PTPN21: variants seen among roughly 807,000 people sequenced by gnomAD.
The protein encoded by PTPN21 is protein tyrosine phosphatase non-receptor type 21.
A neutral mutation model predicts 131.8 loss-of-function variants in PTPN21; 77 were observed. The ratio of observed to expected loss-of-function variants is 0.58; its 90% CI spans 0.49 to 0.71. The LOEUF (loss-of-function observed/expected upper bound fraction) is 0.71, where lower values mean the gene tolerates loss of function less well. Ranked by LOEUF, PTPN21 falls within the 30% of genes least tolerant of loss-of-function variation. The probability of loss-of-function intolerance (pLI) is 0.00; values close to 1 mark genes in which losing one functional copy is unlikely to be tolerated. For missense variants in PTPN21, 1,552 were observed against 1,527.1 expected, an observed-to-expected ratio of 1.02 and a Z score of -0.27; for synonymous variants, 715 against 621.3, an observed-to-expected ratio of 1.15 and a Z score of -2.24.
chr14:88,524,184 G>A (rs558898206), intron 2 of PTPN21, among the ~76,000 whole-genome samples: 60 of 152,164 alleles, frequency 3.9e-4, no homozygotes, highest in Admixed American at 3.3e-3. Flanking sequence ...TACTGAAAAA[G>A]AATAACAAAA....
rs2077411109 is a variant in PTPN21 at position 88,469,009 on chromosome 14, G to A, written c.3303C>T (p.Asn1101=). 4 of 1,614,198 alleles carry A rather than the reference G, an allele frequency of 2.5e-6. No individual in the cohort carries two copies. The highest frequency in any genetic ancestry group is 3.4e-6 in the Non-Finnish European group (4 of 1,180,040). The change falls in exon 18 of 19, where the codon AAC becomes AAT. Residue 1101 remains asparagine (N), a synonymous_variant. Transcript: ENST00000556564. This position sits in a 1 kb window ranked among gnomAD's most constrained non-coding sequence, Gnocchi z 4.3. The part of the protein sequence containing the change: ...TNSTSDPQSP[N]PPLLVHCSAG... Reference sequence around the variant, plus strand: ...CACTGCAGTGGACCAACAACGGAGGGTTGGGGCTTTGGGGATCACTTGTGC... The same window carrying A: ...CACTGCAGTGGACCAACAACGGAGGATTGGGGCTTTGGGGATCACTTGTGC...
chr14:88,496,717 A>G (rs559090312), intron 9 of PTPN21, among the ~76,000 whole-genome samples: 2 of 152,372 alleles, frequency 1.3e-5, no homozygotes, highest in African/African-American at 4.8e-5. Flanking sequence ...TGATTCTCAT[A>G]TTAAACAGTT....
chr14:88,478,807 G>A (rs2077584303), intron 13 of PTPN21, 113 bp downstream of exon 13: 1 of 605,272 alleles, frequency 1.7e-6, no homozygotes. Flanking sequence ...GTGGGGGAAT[G>A]AAGAACGTTA....
At chr14:88,493,982 C>T (rs962513307) in intron 10 of PTPN21, among the ~76,000 whole-genome samples, 5 of 152,150 alleles carry the variant, frequency 3.3e-5, no homozygotes, top group African/African-American at 9.7e-5. Context: ...GAGTGTCTGT[C>T]CTCAAGCACT....
chr14:88,502,925 A>T (rs1010005086), intron 6 of PTPN21, among the ~76,000 whole-genome samples: 3 of 152,128 alleles, frequency 2.0e-5, no homozygotes, highest in Non-Finnish European at 4.4e-5. Context: ...CACTGTGTGG[A>T]TTTGAGTGGA....
intron 2 of PTPN21, among the ~76,000 whole-genome samples, chr14:88,534,935 G>T (rs191286247): frequency 4.5e-4 from 68 of 152,176 alleles, no homozygotes; most frequent in African/African-American, 1.5e-3. Flanking sequence ...GTTTCTAGAG[G>T]CTACAATAGT....
chr14:88,500,731 G>GT, intron 8 of PTPN21, 52 bp downstream of exon 8: 2 of 1,249,530 alleles, frequency 1.6e-6, no homozygotes, highest in Non-Finnish European at 2.4e-6. Context: ...ACTAAAAAAT[G>GT]TATCACCAAC....
chr14:88,535,525 C>T (rs1212181398), intron 2 of PTPN21, among the ~76,000 whole-genome samples: 1 of 152,148 alleles, frequency 6.6e-6, no homozygotes. Flanking sequence ...TTAACATGTA[C>T]TCTTCCTTCC....
chr14:88,493,347 T>C (rs2077853241), intron 10 of PTPN21, among the ~76,000 whole-genome samples: 6 of 152,196 alleles, frequency 3.9e-5, no homozygotes. Flanking sequence ...TATTTTAAAC[T>C]CAATCTTGAA....
chr14:88,510,214 G>A (rs1183730264), intron 3 of PTPN21, among the ~76,000 whole-genome samples: 1 of 152,070 alleles, frequency 6.6e-6, no homozygotes, highest in Non-Finnish European at 1.5e-5. Context: ...CAAAGTTTCT[G>A]TTTAAATGCT....
rs2077413322 is a variant in PTPN21, at chr14:88,469,118, G to A, written c.3236-42C>T. On this transcript the variant is annotated intron_variant, in intron 17 of 18. Transcript: ENST00000556564. The surrounding 1 kb of genome is among the most constrained non-coding windows in gnomAD (Gnocchi z 4.3). ...AAATAGAAAAGTACTCAAGGATCAA[G>A]GCGTATCACATTGTTGACTCAATCT... 2 of 1,571,480 alleles carry A rather than the reference G, an allele frequency of 1.3e-6. No homozygotes were observed. The highest frequency in any genetic ancestry group is 2.7e-5 in the African/African-American group (2 of 73,942).
intron 12 of PTPN21, among the ~76,000 whole-genome samples, chr14:88,481,426 C>T (rs2077651313): frequency 6.6e-6 from 1 of 152,178 alleles, no homozygotes; most frequent in African/African-American, 2.4e-5. Flanking sequence ...GCTGCCACAG[C>T]TCGGGCCCCT....
intron 2 of PTPN21, among the ~76,000 whole-genome samples, chr14:88,531,560 AAAAC>A (rs1032843941): frequency 2.2e-4 from 34 of 152,308 alleles, no homozygotes; most frequent in African/African-American, 5.5e-4. Flanking sequence ...CCATCTCAAA[AAAAC>A]AAACAAACAA....
intron 2 of PTPN21, 73 bp from the exon 3 acceptor site, chr14:88,517,334 C>G: frequency 6.7e-7 from 1 of 1,498,790 alleles, no homozygotes; most frequent in Non-Finnish European, 9.2e-7. Flanking sequence ...TCGCACTAAT[C>G]CCTGACCTGT....
chr14:88,499,634 A>C (rs1382271503), intron 8 of PTPN21, among the ~76,000 whole-genome samples: 1 of 152,192 alleles, frequency 6.6e-6, no homozygotes, highest in Admixed American at 6.5e-5. Flanking sequence ...CAGTGTTATG[A>C]AGATTACACT....
intron 10 of PTPN21, among the ~76,000 whole-genome samples, chr14:88,489,636 C>G (rs1232404597): frequency 3.3e-5 from 5 of 152,102 alleles, no homozygotes; most frequent in Non-Finnish European, 4.4e-5. Context: ...GAAGACAGAG[C>G]AAGACCCCGT....
At chr14:88,482,217 T>C (rs1358996544) in intron 12 of PTPN21, among the ~76,000 whole-genome samples, 1 of 152,122 alleles carries the variant, frequency 6.6e-6, no homozygotes, top group Non-Finnish European at 1.5e-5. Flanking sequence ...CTGGGCAAGC[T>C]GGGGTGGCTA....
At chr14:88,501,448 G>T in intron 6 of PTPN21, 80 bp from the exon 7 acceptor site, 2 of 1,174,578 alleles carry the variant, frequency 1.7e-6, no homozygotes, top group Non-Finnish European at 2.5e-6. Flanking sequence ...AAACCTATAT[G>T]TCAATTTAGC....
rs2077582429 is a variant in PTPN21 at position 88,478,652 on chromosome 14, C to A, written c.2511+268G>T. Among the ~76,000 whole-genome samples the A allele has an allele frequency of 2.0e-5, 3 of 151,184 alleles. No homozygotes were observed. The South Asian group carries it at 6.2e-4, about 31-fold the overall frequency. On this transcript the variant is annotated intron_variant, in intron 13 of 18. Transcript: ENST00000556564. ...TGCATTACTAAAACATTTCATTCAT[C>A]TTTTCCATTTCGACAAAACCCTGTG...
Sources: gnomAD v4.1 joint callset for allele counts (sites outside exome capture counted in the v4.1 genomes callset) on GRCh38, gnomAD v4.1.1 for gene constraint, Gnocchi (gnomAD v3.1) non-coding constraint, MANE v1.5 for transcripts, NCBI Gene and HGNC (gene_info 2026-07-23, HGNC 2026-07-21) for gene names.